RCL1: variants seen among roughly 807,000 people sequenced by gnomAD.
RCL1 encodes RNA terminal phosphate cyclase like 1.
Under a neutral mutation model 42.4 loss-of-function variants are expected in RCL1, and 24 were observed. The observed-to-expected ratio is 0.57, with a 90% confidence interval of 0.41 to 0.80. The LOEUF (loss-of-function observed/expected upper bound fraction) is 0.80, where lower values mean the gene tolerates loss of function less well. Among genes scored for constraint, RCL1 ranks in the 30% least tolerant of loss-of-function variants. The probability of loss-of-function intolerance (pLI) is 0.00; values close to 1 mark genes in which losing one functional copy is unlikely to be tolerated. For synonymous variants in RCL1, 228 were observed against 177.3 expected, an observed-to-expected ratio of 1.29 and a Z score of -2.27; for missense variants, 578 against 467.9, an observed-to-expected ratio of 1.24 and a Z score of -2.17.
chr9:4,808,106 T>C (rs1420989668), intron 1 of RCL1, among the ~76,000 whole-genome samples: 1 of 152,178 alleles, frequency 6.6e-6, no homozygotes, highest in Non-Finnish European at 1.5e-5. Flanking sequence ...TTGTCCTTGC[T>C]GATTTTTCTG....
chr9:4,815,959 T>C (rs1816361260), intron 1 of RCL1, among the ~76,000 whole-genome samples: 1 of 152,118 alleles, frequency 6.6e-6, no homozygotes, highest in African/African-American at 2.4e-5. Flanking sequence ...AAGCTTGGCA[T>C]TTCCTTCTGC....
At chr9:4,833,249 G>T in intron 4 of RCL1, 21 bp downstream of exon 4, 2 of 1,567,452 alleles carry the variant, frequency 1.3e-6, no homozygotes, top group South Asian at 1.1e-5. Context: ...TTGAACTGTT[G>T]ACCATATGTT....
chr9:4,796,928 T>G (rs1358195419), intron 1 of RCL1, among the ~76,000 whole-genome samples: 2 of 152,250 alleles, frequency 1.3e-5, no homozygotes, highest in Non-Finnish European at 2.9e-5. Flanking sequence ...AGTTCTATTT[T>G]TAGTTCTTTG....
rs1816542192 is a variant in RCL1, at chr9:4,820,216, AAGAAG to A, written c.137-3329_137-3325del. ...TCTTGTAGCCCCAGGAGCAGTCTTG[AAGAAG>A]AGGAGTCAGCAGGGTGTGTGGGAGG... On this transcript the variant is annotated intron_variant, in intron 1 of 8. Coordinates refer to ENST00000381750, the MANE Select transcript of RCL1 (RefSeq NM_005772.5). 7.9e-5 allele frequency among the ~76,000 whole-genome samples: 12 copies of A among 152,322 alleles called. No individual in the cohort carries two copies. In the South Asian group the frequency reaches 2.3e-3, roughly 29 times the overall value.
chr9:4,836,477 T>C (rs1817135528), intron 5 of RCL1, among the ~76,000 whole-genome samples: 1 of 152,104 alleles, frequency 6.6e-6, no homozygotes, highest in South Asian at 2.1e-4. Flanking sequence ...AGATTGTGTT[T>C]AGGGAGTTTT....
chr9:4,829,693 A>T (rs1214135766), intron 3 of RCL1, among the ~76,000 whole-genome samples: 1 of 152,084 alleles, frequency 6.6e-6, no homozygotes, highest in Non-Finnish European at 1.5e-5. Flanking sequence ...TGACATGTAC[A>T]GTGTGGCAGT....
At chr9:4,808,088 GTTC>G (rs368915900) in intron 1 of RCL1, among the ~76,000 whole-genome samples, 4 of 152,000 alleles carry the variant, frequency 2.6e-5, no homozygotes, top group Non-Finnish European at 5.9e-5. Context: ...GTGGTGCTGA[GTTC>G]TTCTTTGTCC....
intron 8 of RCL1, among the ~76,000 whole-genome samples, chr9:4,852,767 C>T (rs1249354827): frequency 1.6e-4 from 10 of 63,022 alleles, no homozygotes; most frequent in African/African-American, 4.6e-4. Context: ...TTGGTCAGGT[C>T]ACTTTTTTTT....
chr9:4,843,518 CA>C (rs1817404759), intron 6 of RCL1, among the ~76,000 whole-genome samples: 1 of 152,152 alleles, frequency 6.6e-6, no homozygotes, highest in African/African-American at 2.4e-5. Context: ...CCTGATAACA[CA>C]TATTTCCCAC....
chr9:4,837,967 T>C (rs938793906), intron 5 of RCL1, among the ~76,000 whole-genome samples: 1 of 152,208 alleles, frequency 6.6e-6, no homozygotes, highest in Non-Finnish European at 1.5e-5. Context: ...TAACCAAACA[T>C]TTCAGCCACT....
At chr9:4,798,787 T>C (rs1482109392) in intron 1 of RCL1, among the ~76,000 whole-genome samples, 1 of 152,116 alleles carries the variant, frequency 6.6e-6, no homozygotes, top group Non-Finnish European at 1.5e-5. Flanking sequence ...ATTGAATATG[T>C]CCTGTTAATC....
intron 1 of RCL1, among the ~76,000 whole-genome samples, chr9:4,800,455 T>C (rs1047147510): frequency 2.6e-5 from 4 of 152,092 alleles, no homozygotes; most frequent in Non-Finnish European, 5.9e-5. Context: ...TCTTAGGTGA[T>C]CCACCCACCT....
chr9:4,825,540 A>G (rs187374596), intron 2 of RCL1, among the ~76,000 whole-genome samples: 17 of 152,320 alleles, frequency 1.1e-4, no homozygotes, highest in Admixed American at 1.3e-4. Flanking sequence ...AGTAAAACCT[A>G]CATTTATTTT....
intron 1 of RCL1, among the ~76,000 whole-genome samples, chr9:4,801,863 A>G (rs1346831253): frequency 1.4e-5 from 2 of 146,116 alleles, no homozygotes. Flanking sequence ...TGGGTTCTCC[A>G]TTCTGTTCCA....
intron 1 of RCL1, among the ~76,000 whole-genome samples, chr9:4,814,459 G>A (rs372246051): frequency 6.6e-6 from 1 of 151,986 alleles, no homozygotes; most frequent in Non-Finnish European, 1.5e-5. Flanking sequence ...TAGAGATGGC[G>A]GTCTCGCTTT....
At chr9:4,806,212 A>G (rs1227599605) in intron 1 of RCL1, among the ~76,000 whole-genome samples, 1 of 151,518 alleles carries the variant, frequency 6.6e-6, no homozygotes, top group African/African-American at 2.4e-5. Flanking sequence ...TTCATTTTTG[A>G]TATGTACGCC....
At chr9:4,824,840 T>A (rs182773963) in intron 2 of RCL1, among the ~76,000 whole-genome samples, 238 of 152,332 alleles carry the variant, frequency 1.6e-3, no homozygotes, top group African/African-American at 5.4e-3. Flanking sequence ...TCCTTTAGCT[T>A]GTTTGCTTTG....
At chr9:4,827,749 T>TGCAC (rs1266323838) in intron 3 of RCL1, among the ~76,000 whole-genome samples, 1 of 118,670 alleles carries the variant, frequency 8.4e-6, no homozygotes, top group Non-Finnish European at 1.8e-5. Context: ...TGTGTGTGTG[T>TGCAC]GTGTGTGCAC....
chr9:4,845,711 A>C (rs189038335), intron 7 of RCL1, among the ~76,000 whole-genome samples: 34 of 152,302 alleles, frequency 2.2e-4, no homozygotes, highest in African/African-American at 8.2e-4. Flanking sequence ...GCTCTGAAGG[A>C]TGGTCGTTTC....
Sources: allele counts gnomAD v4.1 joint callset (sites outside exome capture counted in the v4.1 genomes callset), GRCh38; gene constraint gnomAD v4.1.1; transcripts MANE v1.5; gene names NCBI Gene and HGNC (gene_info 2026-07-23, HGNC 2026-07-21).